Variants in MTCL1 observed in about 807,000 individuals in gnomAD.
MTCL1 encodes the protein microtubule crosslinking factor 1.
MTCL1 carries 79 observed loss-of-function variants against 141.4 expected under a neutral mutation model. The ratio of observed to expected loss-of-function variants is 0.56; its 90% confidence interval spans 0.47 to 0.67. The LOEUF is 0.67. MTCL1 is among the 30% of genes least tolerant of loss of function. MTCL1 has a pLI of 0.00. For missense variants in MTCL1, 2,177 were observed against 2,113.9 expected (o/e 1.03, Z -0.59); for synonymous variants, 914 against 875.8 (o/e 1.04, Z -0.77).
chr18:8,790,660 A>T (rs989142876), intron 7 of MTCL1, among the ~76,000 whole-genome samples: 1 of 152,238 alleles, frequency 6.6e-6, no homozygotes, highest in African/African-American at 2.4e-5. Context: ...CCTCTTAAAT[A>T]CATCGCTGAA....
intron 4 of MTCL1, among the ~76,000 whole-genome samples, chr18:8,758,141 C>A (rs1478699449): frequency 1.3e-5 from 2 of 151,700 alleles, no homozygotes; most frequent in African/African-American, 4.8e-5. Flanking sequence ...TCTCTTGTCT[C>A]AGCCTCCGAG....
At chr18:8,804,763 A>G (rs2076235649) in intron 10 of MTCL1, among the ~76,000 whole-genome samples, 2 of 152,190 alleles carry the variant, frequency 1.3e-5, no homozygotes, top group Non-Finnish European at 2.9e-5. Flanking sequence ...AGGCTGAGGC[A>G]GGTGGATCAG....
intron 4 of MTCL1, among the ~76,000 whole-genome samples, chr18:8,747,220 G>A (rs1027812635): frequency 3.9e-5 from 6 of 152,308 alleles, no homozygotes; most frequent in East Asian, 1.9e-4. Flanking sequence ...CCCACTGAAC[G>A]GCTTCAGAAC....
upstream of MTCL1, among the ~76,000 whole-genome samples, chr18:8,715,153 C>T (rs1280898625): frequency 6.6e-6 from 1 of 152,180 alleles, no homozygotes; most frequent in Non-Finnish European, 1.5e-5. Flanking sequence ...AAAAATATTG[C>T]TATTTACATC....
At chr18:8,734,868 G>T (rs1473356975) in intron 4 of MTCL1, among the ~76,000 whole-genome samples, 2 of 152,172 alleles carry the variant, frequency 1.3e-5, no homozygotes, top group African/African-American at 2.4e-5. Flanking sequence ...GAACTTCCCT[G>T]GTGGTTTCAG....
intron 11 of MTCL1, 191 bp from the exon 11 acceptor site, chr18:8,812,788 C>G (rs183754586): frequency 1.5e-6 from 1 of 663,444 alleles, no homozygotes. Flanking sequence ...TTACTCACCG[C>G]TTAACATTCT....
chr18:8,786,632 C>T (rs926906892), intron 7 of MTCL1: 3 of 314,710 alleles, frequency 9.5e-6, no homozygotes, highest in Admixed American at 4.0e-5. Context: ...ATACACAAGG[C>T]TTCAGCCACC....
intron 7 of MTCL1, chr18:8,789,303 A>C: frequency 3.8e-6 from 2 of 524,352 alleles, no homozygotes; most frequent in Non-Finnish European, 4.9e-6. Flanking sequence ...CTTTTGAAAT[A>C]AGTGGTTGCA....
At chr18:8,758,841 A>G (rs1476300360) in intron 4 of MTCL1, among the ~76,000 whole-genome samples, 2 of 152,228 alleles carry the variant, frequency 1.3e-5, no homozygotes, top group African/African-American at 4.8e-5. Context: ...GGGAAACCAG[A>G]TGACAAGATT....
At chr18:8,725,604 A>G (rs953819929) in intron 4 of MTCL1, among the ~76,000 whole-genome samples, 4 of 152,072 alleles carry the variant, frequency 2.6e-5, no homozygotes, top group African/African-American at 9.7e-5. Flanking sequence ...TATAAGATTG[A>G]TTTATAGTTC....
intron 4 of MTCL1, among the ~76,000 whole-genome samples, chr18:8,747,664 C>G (rs909256903): frequency 6.6e-6 from 1 of 152,226 alleles, no homozygotes; most frequent in Non-Finnish European, 1.5e-5. Flanking sequence ...CCATATTCCC[C>G]AGCACTGGGG....
chr18:8,789,401 A>G, intron 7 of MTCL1: 3 of 985,144 alleles, frequency 3.0e-6, no homozygotes, highest in South Asian at 9.4e-5. Context: ...TAGCATTGCT[A>G]GGCACTCTAG....
At chr18:8,792,348 A>C (rs1378940292) in intron 7 of MTCL1, among the ~76,000 whole-genome samples, 1 of 152,192 alleles carries the variant, frequency 6.6e-6, no homozygotes, top group Non-Finnish European at 1.5e-5. Flanking sequence ...TACAGATTCC[A>C]CCACCTGTCT....
exon 15 of MTCL1, chr18:8,826,031 A>G: frequency 6.2e-7 from 1 of 1,611,166 alleles, no homozygotes; most frequent in South Asian, 1.1e-5. Flanking sequence ...GCAGGGAGGA[A>G]GGGGGAGAGG....
chr18:8,811,382 A>G (rs1598766492), intron 11 of MTCL1: 1 of 151,988 alleles, frequency 6.6e-6, no homozygotes, highest in Admixed American at 6.6e-5. Context: ...TGACCCAGAC[A>G]CCTCCCACTA....
chr18:8,752,988 C>T (rs2096379723), intron 4 of MTCL1, among the ~76,000 whole-genome samples: 1 of 152,200 alleles, frequency 6.6e-6, no homozygotes, highest in South Asian at 2.1e-4. Flanking sequence ...GCCATCCTGA[C>T]CTGCTCCTGT....
chr18:8,788,969 A>G (rs16954157), intron 7 of MTCL1, among the ~76,000 whole-genome samples: 46,043 of 152,066 alleles, frequency 0.3, 7,690 homozygotes, highest in East Asian at 0.56. Flanking sequence ...TGAGACAATC[A>G]CATTTGTTAA....
intron 4 of MTCL1, among the ~76,000 whole-genome samples, chr18:8,740,710 T>C (rs2096297982): frequency 6.6e-6 from 1 of 152,208 alleles, no homozygotes; most frequent in African/African-American, 2.4e-5. Context: ...CTCTAACTCC[T>C]GACTTAAGGT....
At chr18:8,714,615 A>T (rs28409948), upstream of MTCL1, among the ~76,000 whole-genome samples, 345 of 152,282 alleles carry the variant, frequency 2.3e-3, 3 homozygotes, top group African/African-American at 8.0e-3. Flanking sequence ...TTATAAAACC[A>T]TTAGATCTCT....
Sources: gnomAD v4.1 joint callset for allele counts (sites outside exome capture counted in the v4.1 genomes callset) on GRCh38, gnomAD v4.1.1 for gene constraint, MANE v1.5 for transcripts, NCBI Gene and HGNC (gene_info 2026-07-23, HGNC 2026-07-21) for gene names.